Variants in MYH11 observed in about 807,000 individuals in gnomAD.
MYH11 encodes myosin-11.
A neutral mutation model predicts 246.6 loss-of-function variants in MYH11; 80 were observed. That is an observed-to-expected ratio of 0.32 (90% CI 0.27 to 0.39). MYH11 has a LOEUF of 0.39. Ranked by LOEUF, MYH11 falls within the 10% of genes least tolerant of loss-of-function variation. MYH11 has a pLI of 1.00. For missense variants in MYH11, 2,158 were observed against 2,546.8 expected, an observed-to-expected ratio of 0.85 and a Z score of 3.29; for synonymous variants, 1,071 against 1,015.5, an observed-to-expected ratio of 1.05 and a Z score of -1.04.
Position 15,854,570 on chromosome 16 carries a change from C to A in MYH11, c.-18+2371G>T, listed in dbSNP as rs188935275. Among the ~76,000 whole-genome samples, 457 of 152,232 alleles carry A rather than the reference C, an allele frequency of 3.0e-3. 4 individuals carry two copies. Among genetic ancestry groups the A allele is most frequent in the African/African-American group, 0.011 (441 of 41,528 alleles). ...ATAATGTCCACAAAGCGTTTAGCAT[C>A]TCGCCAGGCAAAAGTGCCCAAAAAA... On this transcript the variant is annotated intron_variant, in intron 1 of 40. Transcript: ENST00000300036.
At chr16:15,778,730 T>G in intron 7 of MYH11, 50 bp downstream of exon 7, 4 of 1,559,774 alleles carry the variant, frequency 2.6e-6, no homozygotes, top group Non-Finnish European at 3.5e-6. Context: ...GGGCAGGAGA[T>G]TGGTAGGGGG....
In MYH11 at chr16:15,738,608, G is replaced by A; in HGVS notation, c.3078C>T (p.Thr1026=). ...TAGATTCATGCTTGTTTTTCAGCTT[G>A]GTAAGATTCTTGGCCTTTTCTTCCT... ...AEEEEKAKNL[T]KLKNKHESMI... The change falls in exon 24 of 41, where the codon ACC becomes ACT. Residue 1026 remains threonine, a synonymous_variant. Transcript: ENST00000300036. 1 of 1,613,966 alleles carries A rather than the reference G, an allele frequency of 6.2e-7. No individual in the cohort carries two copies. Among genetic ancestry groups the A allele is most frequent in the Non-Finnish European group, 8.5e-7 (1 of 1,179,966 alleles).
intron 4 of MYH11, chr16:15,792,398 G>T (rs114494397): frequency 2.6e-5 from 4 of 152,232 alleles, no homozygotes; most frequent in African/African-American, 9.6e-5. Flanking sequence ...TATATTGTTT[G>T]TATAATGATT....
intron 1 of MYH11, among the ~76,000 whole-genome samples, chr16:15,849,276 C>G: frequency 6.6e-6 from 1 of 152,166 alleles, no homozygotes; most frequent in East Asian, 1.9e-4. Flanking sequence ...AAATGATCCT[C>G]CTGCCTTGGC....
intron 3 of MYH11, among the ~76,000 whole-genome samples, chr16:15,811,170 C>T (rs1305674517): frequency 1.3e-5 from 2 of 152,162 alleles, no homozygotes; most frequent in African/African-American, 4.8e-5. Context: ...TAGGCCCTCA[C>T]CAGATACCAA....
intron 14 of MYH11, among the ~76,000 whole-genome samples, chr16:15,753,812 G>T (rs1223843382): frequency 6.6e-6 from 1 of 152,098 alleles, no homozygotes; most frequent in African/African-American, 2.4e-5. Flanking sequence ...CACAGTACCT[G>T]TGAGTTATAC....
At chr16:15,759,037 A>G (rs539705974) in intron 12 of MYH11, among the ~76,000 whole-genome samples, 2 of 152,012 alleles carry the variant, frequency 1.3e-5, no homozygotes, top group African/African-American at 4.8e-5. Context: ...ACCCATGGGT[A>G]AAGGATCCAA....
At chr16:15,852,041 G>T (rs1243119870) in intron 1 of MYH11, among the ~76,000 whole-genome samples, 1 of 152,200 alleles carries the variant, frequency 6.6e-6, no homozygotes, top group Non-Finnish European at 1.5e-5. Flanking sequence ...AGCAGGAGGG[G>T]ACGGTGGGTG....
intron 10 of MYH11, among the ~76,000 whole-genome samples, chr16:15,761,597 C>T (rs976589249): frequency 6.6e-6 from 1 of 152,138 alleles, no homozygotes; most frequent in African/African-American, 2.4e-5. Flanking sequence ...GTCTTCCTGT[C>T]GCCCGGGCTG....
chr16:15,711,560 T>G (rs1355893587), intron 40 of MYH11, among the ~76,000 whole-genome samples: 1 of 152,214 alleles, frequency 6.6e-6, no homozygotes, highest in Non-Finnish European at 1.5e-5. Flanking sequence ...ATTAAAACTG[T>G]TAAAAGATCA....
At chr16:15,709,090 GC>G (rs2039633981) in intron 40 of MYH11, among the ~76,000 whole-genome samples, 1 of 151,686 alleles carries the variant, frequency 6.6e-6, no homozygotes, top group Non-Finnish European at 1.5e-5. Flanking sequence ...TTACAGGCAG[GC>G]CCCACGTGCT....
chr16:15,810,811 C>T (rs2043121489), intron 3 of MYH11, among the ~76,000 whole-genome samples: 1 of 152,176 alleles, frequency 6.6e-6, no homozygotes, highest in African/African-American at 2.4e-5. Context: ...AATTGTTTTA[C>T]CCACAGCACA....
Position 15,837,905 on chromosome 16 carries a change from C to CA in MYH11, c.345+2dup, listed in dbSNP as rs768581481. ...TAGGTACCTGGCTGCCTGCAATACT[C>CA]ACATATATTAGCCCTGAGAAGTACC... On this transcript the variant is annotated splice_region_variant and intron_variant, in intron 2 of 40. Transcript: ENST00000300036. 1 of 1,613,488 alleles carries CA rather than the reference C, an allele frequency of 6.2e-7. No homozygotes were observed.
intron 15 of MYH11, among the ~76,000 whole-genome samples, chr16:15,751,197 G>C (rs2041560556): frequency 6.6e-6 from 1 of 151,496 alleles, no homozygotes; most frequent in South Asian, 2.1e-4. Flanking sequence ...TTTCACTCTT[G>C]TTGGCCAGGC....
intron 40 of MYH11, among the ~76,000 whole-genome samples, chr16:15,707,630 C>G (rs2039526581): frequency 1.3e-5 from 2 of 152,174 alleles, no homozygotes; most frequent in South Asian, 4.1e-4. Context: ...AAGATGGACA[C>G]AAATGAGGGT....
At chr16:15,766,362 TGTGTGTGTGTGTGTGTGTGTGTGTGTGA>T (rs2041981965) in intron 9 of MYH11, among the ~76,000 whole-genome samples, 1 of 140,020 alleles carries the variant, frequency 7.1e-6, no homozygotes, top group African/African-American at 2.7e-5. Context: ...TGTGTGTGTG[TGTGTGTGTGTGTGTGTGTGTGTGTGTGA>T]GACTGAGTCT....
intron 20 of MYH11, among the ~76,000 whole-genome samples, chr16:15,744,015 A>T (rs943410293): frequency 1.3e-5 from 2 of 152,106 alleles, no homozygotes; most frequent in African/African-American, 4.8e-5. Flanking sequence ...TCATGCCTGT[A>T]ATCCCAGCAC....
At chr16:15,748,714 C>T (rs1180106106) in intron 16 of MYH11, among the ~76,000 whole-genome samples, 2 of 152,142 alleles carry the variant, frequency 1.3e-5, no homozygotes, top group East Asian at 3.8e-4. Flanking sequence ...CTCCTGGGCT[C>T]AAGTGATCCT....
chr16:15,704,074 T>G lies in MYH11; in HGVS notation c.5836A>C (p.Arg1946=), dbSNP rs1277442569. The stretch of plus-strand genomic sequence containing the variant: ...GAACCATCTGCATTTTCAATAACTC[T>G]ACGTCCTCCAGACCTTCTAGAAGGA... ...FVPSRRSGGR[R]VIENADGSEE... is the part of the protein sequence containing the mutation. The change falls in exon 41 of 41, where the codon AGA becomes CGA. Residue 1946 remains arginine (R), a synonymous_variant. Coordinates refer to ENST00000300036, the MANE Select transcript of MYH11 (RefSeq NM_002474.3). 1 of 1,614,184 alleles carries G rather than the reference T, an allele frequency of 6.2e-7. No homozygotes were observed.
Sources: allele counts gnomAD v4.1 joint callset (sites outside exome capture counted in the v4.1 genomes callset), GRCh38; gene constraint gnomAD v4.1.1; transcripts MANE v1.5; gene names NCBI Gene and HGNC (gene_info 2026-07-23, HGNC 2026-07-21).